Variants in ELP4 observed in about 807,000 individuals in gnomAD.
ELP4 encodes elongator complex protein 4.
In ELP4, 51 loss-of-function variants were observed where a neutral mutation model predicts 48.9. That is an observed-to-expected ratio of 1.04 (90% CI 0.83 to 1.32). The LOEUF is 1.32. Among genes scored for constraint, ELP4 ranks in the 40% most tolerant of loss-of-function variants. The pLI is 0.00. For missense variants in ELP4, 519 were observed against 514.6 expected (o/e 1.01, Z -0.08); for synonymous variants, 210 against 189.2 (o/e 1.11, Z -0.90).
intron 3 of ELP4, among the ~76,000 whole-genome samples, chr11:31,555,726 A>C (rs1956921073): frequency 6.6e-6 from 1 of 151,956 alleles, no homozygotes; most frequent in Non-Finnish European, 1.5e-5. Context: ...AGAATAAACA[A>C]AATATTTTTG....
chr11:31,721,038 A>G (rs1023784955), intron 9 of ELP4, among the ~76,000 whole-genome samples: 1 of 152,168 alleles, frequency 6.6e-6, no homozygotes, highest in African/African-American at 2.4e-5. Flanking sequence ...AGAGTCTTGG[A>G]TTCTTATTTG....
At chr11:31,730,317 A>G (rs1947159003) in intron 9 of ELP4, among the ~76,000 whole-genome samples, 1 of 152,196 alleles carries the variant, frequency 6.6e-6, no homozygotes, top group South Asian at 2.1e-4. Context: ...AGGCCTGTCT[A>G]GGTGTTCTCA....
intron 9 of ELP4, among the ~76,000 whole-genome samples, chr11:31,690,008 G>A (rs560278024): frequency 1.3e-5 from 2 of 152,184 alleles, no homozygotes; most frequent in South Asian, 4.2e-4. Context: ...CAAAATTAAT[G>A]TTCCTCTCAT....
intron 3 of ELP4, among the ~76,000 whole-genome samples, chr11:31,548,901 A>ATTCCCT (rs1956785131): frequency 6.6e-6 from 1 of 152,110 alleles, no homozygotes; most frequent in East Asian, 1.9e-4. Flanking sequence ...TTTCCTATTT[A>ATTCCCT]ATAAATGGTG....
At position 31,591,435 on chromosome 11, in the gene ELP4, G is replaced by A. The variant is rs563076678; in HGVS notation, c.382-3335G>A. Among the ~76,000 whole-genome samples the A allele has an allele frequency of 5.9e-3, 310 of 52,280 alleles. 4 individuals carry two copies. The highest frequency in any genetic ancestry group is 0.02 in the African/African-American group (293 of 14,328). The allele number at this position is 52,280 out of a possible 152,430, so 34.3% of individuals were successfully genotyped here. A position where few individuals can be genotyped will look rare whatever the true frequency, so the allele number is the denominator to read the frequency against. ...AAAAAAAAAAAAAGGGGGGGGGGGG[G>A]TATAAAACCATGATAGACATATTTC... On this transcript the variant is annotated intron_variant, in intron 3 of 9. Coordinates refer to ENST00000640961, the MANE Select transcript of ELP4 (RefSeq NM_019040.5).
Position 31,709,147 on chromosome 11 carries a change from A to G in ELP4, c.1143+58926A>G, listed in dbSNP as rs778598255. ...GTCAAAATCATTTGAGTGAAAGAAT[A>G]TAAGTTCAAAATGGGCAATTGCTGG... On this transcript the variant is annotated intron_variant, in intron 9 of 9. Coordinates refer to ENST00000640961, the MANE Select transcript of ELP4 (RefSeq NM_019040.5). 9.8e-5 allele frequency among the ~76,000 whole-genome samples: 15 copies of G among 152,316 alleles called. No individual in the cohort carries two copies. In the East Asian group the frequency reaches 1.2e-3, roughly 12 times the overall value.
At position 31,789,424 on chromosome 11, in the gene ELP4, G is replaced by A; in HGVS notation, c.*5900G>A. 2.5e-6 allele frequency: 1 copy of A among 398,008 alleles called. No individual in the cohort carries two copies. Among genetic ancestry groups the A allele is most frequent in the African/African-American group, 2.1e-5 (1 of 48,354 alleles). The allele number at this position is 398,008 out of a possible 1,614,324, so 24.7% of individuals were successfully genotyped here. On this transcript the variant is annotated 3_prime_UTR_variant, in exon 10 of 10. Transcript: ENST00000640961. ...AACAGATATTTCTGACATAAATCTA[G>A]TGCATGTTGTTCCAGGTTTAATTAT... is the stretch of plus-strand genomic sequence containing the variant.
chr11:31,546,464 G>C (rs1425926093), intron 3 of ELP4, among the ~76,000 whole-genome samples: 3 of 152,070 alleles, frequency 2.0e-5, no homozygotes, highest in Admixed American at 1.3e-4. Flanking sequence ...ACCCAATACA[G>C]GAGCACCCAG....
chr11:31,731,178 C>T (rs1047184755), intron 9 of ELP4, among the ~76,000 whole-genome samples: 1 of 151,652 alleles, frequency 6.6e-6, no homozygotes, highest in East Asian at 1.9e-4. Flanking sequence ...GTTATAAGAA[C>T]GTGAAGAAAC....
At chr11:31,686,090 A>G (rs72898342) in intron 9 of ELP4, among the ~76,000 whole-genome samples, 4 of 152,200 alleles carry the variant, frequency 2.6e-5, no homozygotes, top group Non-Finnish European at 5.9e-5. Context: ...ACCTTCTTGT[A>G]GGCTTTATGA....
rs1248927577 is a variant in ELP4, at chr11:31,695,798, G to T, written c.1143+45577G>T. Among the ~76,000 whole-genome samples the T allele has an allele frequency of 7.8e-3, 17 of 2,182 alleles. 1 individual carries two copies. The highest frequency in any genetic ancestry group is 9.4e-3 in the African/African-American group (17 of 1,806). 1.4% of individuals were successfully genotyped at this position (2,182 alleles called of 152,430 possible). Reference sequence around the variant, plus strand: ...TTCGGCTGTGAATCCATCTGATCCTGAGCTTTTTTTGGTTGGTAAGCTATT... The same window carrying T: ...TTCGGCTGTGAATCCATCTGATCCTTAGCTTTTTTTGGTTGGTAAGCTATT... On this transcript the variant is annotated intron_variant, in intron 9 of 9. Transcript: ENST00000640961.
intron 1 of ELP4, among the ~76,000 whole-genome samples, chr11:31,518,895 CAAA>C (rs34767268): frequency 1.5e-4 from 10 of 66,944 alleles, no homozygotes; most frequent in Admixed American, 3.0e-4. Context: ...GACTCTGTCT[CAAA>C]AAAAAAAAAA....
chr11:31,780,077 A>G (rs188683098), intron 9 of ELP4: 1 of 152,312 alleles, frequency 6.6e-6, no homozygotes, highest in Non-Finnish European at 1.5e-5. Context: ...TCTTTAAACC[A>G]TTACTCAGTG....
At chr11:31,728,570 A>G (rs566608845) in intron 9 of ELP4, among the ~76,000 whole-genome samples, 2 of 152,314 alleles carry the variant, frequency 1.3e-5, no homozygotes, top group East Asian at 3.9e-4. Context: ...CTATATAGAT[A>G]TACAAAGTAG....
chr11:31,705,457 A>C lies in ELP4; in HGVS notation c.1143+55236A>C, dbSNP rs139368123. On this transcript the variant is annotated intron_variant, in intron 9 of 9. Transcript: ENST00000640961. Reference sequence around the variant, plus strand: ...CACATTCAAACCAGAATACCATATAAATGTACTTATGTTTAATTGCTTTGT... The same window carrying C: ...CACATTCAAACCAGAATACCATATACATGTACTTATGTTTAATTGCTTTGT... Among the ~76,000 whole-genome samples, 174 of 152,356 alleles carry C rather than the reference A, an allele frequency of 1.1e-3. 1 individual carries two copies. The highest frequency in any genetic ancestry group is 5.1e-3 in the Admixed American group (78 of 15,310).
At chr11:31,618,204 A>G (rs536903263) in intron 5 of ELP4, among the ~76,000 whole-genome samples, 57 of 152,238 alleles carry the variant, frequency 3.7e-4, no homozygotes, top group African/African-American at 1.3e-3. Flanking sequence ...TAAACATTAT[A>G]GTAAGTGAGA....
rs67986763 is a variant in ELP4, at chr11:31,623,390, T to TATATATATATATAAATATATATATAA, written c.654-3719_654-3718insTATATATATATAAATATATATATAAA. Among the ~76,000 whole-genome samples the TATATATATATATAAATATATATATAA allele has an allele frequency of 2.2e-4, 20 of 92,576 alleles. 1 individual carries two copies. The highest frequency in any genetic ancestry group is 6.8e-4 in the African/African-American group (19 of 27,938). 60.7% of individuals were successfully genotyped at this position (92,576 alleles called of 152,430 possible). On this transcript the variant is annotated intron_variant, in intron 5 of 9. Coordinates refer to ENST00000640961, the MANE Select transcript of ELP4 (RefSeq NM_019040.5). ...ATATATATATATATATATATATATA[T>TATATATATATATAAATATATATATAA]AAAACTAGAAACATTGCTGGCAAAG...
chr11:31,551,202 T>C (rs564626469), intron 3 of ELP4, among the ~76,000 whole-genome samples: 1 of 152,302 alleles, frequency 6.6e-6, no homozygotes, highest in East Asian at 1.9e-4. Context: ...GCTATTGTTG[T>C]GCTGTTAATC....
chr11:31,690,039 A>C (rs956182000), intron 9 of ELP4, among the ~76,000 whole-genome samples: 1 of 152,196 alleles, frequency 6.6e-6, no homozygotes, highest in Non-Finnish European at 1.5e-5. Flanking sequence ...AAAGGAAATA[A>C]CATGTGTTTC....
Sources: allele counts gnomAD v4.1 joint callset (sites outside exome capture counted in the v4.1 genomes callset), GRCh38; gene constraint gnomAD v4.1.1; transcripts MANE v1.5; gene names NCBI Gene and HGNC (gene_info 2026-07-23, HGNC 2026-07-21).